The following MCTP2 variants were observed in gnomAD, a reference collection of about 807,000 sequenced individuals.
MCTP2 encodes the protein multiple C2 and transmembrane domain containing 2, also known as multiple C2 and transmembrane domain-containing protein 2.
Under a neutral mutation model 111.6 loss-of-function variants are expected in MCTP2, and 132 were observed. The observed-to-expected ratio is 1.18, with a 90% CI of 1.03 to 1.37. The LOEUF (loss-of-function observed/expected upper bound fraction) is 1.37, where lower values mean the gene tolerates loss of function less well. Ranked by LOEUF, MCTP2 falls within the 40% of genes most tolerant of loss-of-function variation. The pLI, the probability that MCTP2 is intolerant of heterozygous loss-of-function variation, is 0.00. For synonymous variants in MCTP2, 395 were observed against 387.7 expected, an observed-to-expected ratio of 1.02 and a Z score of -0.22; for missense variants, 1,183 against 1,067.9, an observed-to-expected ratio of 1.11 and a Z score of -1.50.
intron 1 of MCTP2, among the ~76,000 whole-genome samples, chr15:94,259,672 C>T (rs549249230): frequency 6.6e-6 from 1 of 152,306 alleles, no homozygotes; most frequent in East Asian, 1.9e-4. Context: ...ACTCCAAAAA[C>T]AAACCTGGCC....
intron 1 of MCTP2, among the ~76,000 whole-genome samples, chr15:94,236,368 CT>C (rs1167268187): frequency 3.0e-5 from 2 of 67,192 alleles, no homozygotes; most frequent in Non-Finnish European, 6.0e-5. Flanking sequence ...TCAATCCTTT[CT>C]TTTTTTTCTT....
chr15:94,441,139 C>T (rs143128130), intron 18 of MCTP2, among the ~76,000 whole-genome samples: 185 of 152,240 alleles, frequency 1.2e-3, no homozygotes, highest in African/African-American at 4.2e-3. Context: ...GTCAATCAAA[C>T]CCTGACTGTT....
At chr15:94,391,967 A>T (rs1297156516) in intron 14 of MCTP2, among the ~76,000 whole-genome samples, 1 of 152,216 alleles carries the variant, frequency 6.6e-6, no homozygotes, top group Non-Finnish European at 1.5e-5. Context: ...CACCTAAAAC[A>T]CAGTAATACA....
chr15:94,415,035 T>G (rs2082311817), intron 17 of MCTP2, among the ~76,000 whole-genome samples: 1 of 152,080 alleles, frequency 6.6e-6, no homozygotes. Flanking sequence ...GAATAATGCC[T>G]TCTATGTGGA....
intron 19 of MCTP2, among the ~76,000 whole-genome samples, chr15:94,451,062 ATTTT>A (rs957645387): frequency 3.9e-5 from 6 of 152,028 alleles, no homozygotes; most frequent in African/African-American, 1.2e-4. Context: ...GATTTTTAAA[ATTTT>A]TTTTCTTTTT....
intron 21 of MCTP2, among the ~76,000 whole-genome samples, chr15:94,473,005 C>G (rs770775502): frequency 6.6e-6 from 1 of 151,934 alleles, no homozygotes; most frequent in Non-Finnish European, 1.5e-5. Flanking sequence ...GTTACTTATT[C>G]ATTTTTTATT....
At chr15:94,248,821 A>G (rs2072203322) in intron 1 of MCTP2, among the ~76,000 whole-genome samples, 2 of 152,232 alleles carry the variant, frequency 1.3e-5, no homozygotes, top group Admixed American at 6.5e-5. Context: ...CAGTCCGTGG[A>G]AACTTACCCA....
At chr15:94,346,068 A>C (rs1053527134) in intron 8 of MCTP2, among the ~76,000 whole-genome samples, 4 of 152,092 alleles carry the variant, frequency 2.6e-5, no homozygotes, top group Admixed American at 6.5e-5. Context: ...TCTACATAAT[A>C]AGGAGCTTGA....
At chr15:94,251,127 G>C (rs1299937935) in intron 1 of MCTP2, among the ~76,000 whole-genome samples, 1 of 152,200 alleles carries the variant, frequency 6.6e-6, no homozygotes, top group African/African-American at 2.4e-5. Context: ...TGTGAGGCGA[G>C]TCAGGCTGCA....
At chr15:94,324,224 C>G (rs1388742792) in intron 4 of MCTP2, among the ~76,000 whole-genome samples, 1 of 152,238 alleles carries the variant, frequency 6.6e-6, no homozygotes, top group Non-Finnish European at 1.5e-5. Flanking sequence ...GAACTTCAGC[C>G]TTGCGATATG....
chr15:94,471,329 A>G (rs897222713), intron 21 of MCTP2, among the ~76,000 whole-genome samples: 2 of 152,218 alleles, frequency 1.3e-5, no homozygotes, highest in Non-Finnish European at 2.9e-5. Context: ...AATCACAAAG[A>G]GAAGAGACTG....
chr15:94,454,405 C>T (rs2084668532), intron 19 of MCTP2, among the ~76,000 whole-genome samples: 1 of 152,002 alleles, frequency 6.6e-6, no homozygotes, highest in African/African-American at 2.4e-5. Context: ...TTGTAGTGTC[C>T]ACACTTACAA....
At chr15:94,349,057 A>G (rs1596439749) in intron 8 of MCTP2, among the ~76,000 whole-genome samples, 1 of 151,674 alleles carries the variant, frequency 6.6e-6, no homozygotes, top group East Asian at 1.9e-4. Context: ...TTCTATCTCT[A>G]TTTCATCTGT....
Position 94,399,019 on chromosome 15 carries a change from T to C in MCTP2, c.1847T>C (p.Phe616Ser), listed in dbSNP as rs746120254. The change falls in exon 15 of 23, where the codon TTT becomes TCT. Residue 616 changes from phenylalanine (F) to serine (S), a missense_variant. Physicochemically the swap from Phe to Ser is radical, Grantham distance 155. Transcript: ENST00000357742. ...AAGAATAAAGATTTAGAACAAGCTT[T>C]TAAAGGAGTTATTTACTTAGAGATG... ...VLKNKDLEQA[F>S]KGVIYLEMDL... 1.9e-6 allele frequency: 3 copies of C among 1,562,654 alleles called. No individual in the cohort carries two copies. Among genetic ancestry groups the C allele is most frequent in the Non-Finnish European group, 1.8e-6 (2 of 1,133,482 alleles).
At position 94,425,392 on chromosome 15, in the gene MCTP2, G is replaced by A. The variant is rs80011257; in HGVS notation, c.2086-14784G>A. On this transcript the variant is annotated intron_variant, in intron 17 of 22. Transcript: ENST00000357742. ...CAAGAATGTCTTGGTAAGAGAGCTC[G>A]GCTCTTTGTTCTTCCATATAAGAGG... Among the ~76,000 whole-genome samples the A allele has an allele frequency of 1.6e-3, 247 of 152,034 alleles. 1 individual carries two copies. The highest frequency in any genetic ancestry group is 2.9e-3 in the Non-Finnish European group (195 of 67,970).
chr15:94,402,018 C>T lies in MCTP2; in HGVS notation c.2084C>T (p.Ala695Val), dbSNP rs370153540. ...ACATTAAGAAGTACAATAGCATTCG[C>T]GGTAAGCTTCCTTTCTTATGTTCAA... ...ESTLRSTIAF[A>V]VFLITVWNFE... Residue 695 changes from alanine to valine, a missense_variant and splice_region_variant, in exon 17 of 23, where the codon GCG becomes GTG. Coordinates refer to ENST00000357742, the MANE Select transcript of MCTP2 (RefSeq NM_001385001.1). The T allele has an allele frequency of 2.5e-5, 41 of 1,608,764 alleles. 1 individual carries two copies. In the East Asian group the frequency reaches 3.8e-4, roughly 15 times the overall value.
intron 14 of MCTP2, among the ~76,000 whole-genome samples, chr15:94,398,309 A>G (rs752842703): frequency 6.6e-6 from 1 of 152,350 alleles, no homozygotes; most frequent in Admixed American, 6.5e-5. Context: ...TCTGTTAAAA[A>G]TAACATTTTG....
At chr15:94,303,131 T>A (rs1567368692) in intron 2 of MCTP2, among the ~76,000 whole-genome samples, 5 of 142,450 alleles carry the variant, frequency 3.5e-5, no homozygotes, top group Admixed American at 7.2e-5. Context: ...TATATATAGT[T>A]TATATATATA....
At chr15:94,312,111 C>T (rs1375214490) in intron 2 of MCTP2, among the ~76,000 whole-genome samples, 1 of 152,122 alleles carries the variant, frequency 6.6e-6, no homozygotes, top group Non-Finnish European at 1.5e-5. Flanking sequence ...GAACTGGAGA[C>T]CATAGCATGT....
Sources: gnomAD v4.1 joint callset for allele counts (sites outside exome capture counted in the v4.1 genomes callset) on GRCh38, gnomAD v4.1.1 for gene constraint, MANE v1.5 for transcripts, NCBI Gene and HGNC (gene_info 2026-07-23, HGNC 2026-07-21) for gene names.